DNAH14: variants seen among roughly 807,000 people sequenced by gnomAD.
DNAH14 encodes axonemal beta dynein heavy chain 14.
In DNAH14, 478 loss-of-function variants were observed where a neutral mutation model predicts 520.9. The ratio of observed to expected loss-of-function variants is 0.92; its 90% CI spans 0.85 to 0.99. The LOEUF is 0.99. DNAH14 is among the 50% of genes least tolerant of loss of function. The pLI is 0.00. For missense variants in DNAH14, 4,831 were observed against 5,234.5 expected (o/e 0.92, Z 2.38); for synonymous variants, 1,581 against 1,757.2 (o/e 0.90, Z 2.51).
chr1:225,398,046 C>CAAAAAAAAA (rs11458055), intron 84 of DNAH14: 1 of 66,830 alleles, frequency 1.5e-5, no homozygotes, highest in East Asian at 5.2e-4. Flanking sequence ...GACCCCATGT[C>CAAAAAAAAA]AAAAAAAAAA....
chr1:225,153,132 G>A (rs1262839198), intron 33 of DNAH14, among the ~76,000 whole-genome samples: 2 of 152,264 alleles, frequency 1.3e-5, no homozygotes, highest in East Asian at 3.9e-4. Flanking sequence ...GAGTGATTGA[G>A]CATTCGTTAT....
chr1:225,247,135 C>T (rs918209600), intron 43 of DNAH14, among the ~76,000 whole-genome samples: 7 of 152,076 alleles, frequency 4.6e-5, no homozygotes, highest in African/African-American at 1.7e-4. Flanking sequence ...AACAGAAAAC[C>T]AAATACTGCA....
chr1:225,005,196 C>T (rs894861501), intron 9 of DNAH14, among the ~76,000 whole-genome samples: 2 of 152,016 alleles, frequency 1.3e-5, no homozygotes, highest in African/African-American at 4.8e-5. Flanking sequence ...GTTTCATATT[C>T]GGGTGAAGTT....
At chr1:225,158,283 C>T (rs1036068256) in intron 34 of DNAH14, among the ~76,000 whole-genome samples, 4 of 152,010 alleles carry the variant, frequency 2.6e-5, no homozygotes, top group African/African-American at 9.7e-5. Flanking sequence ...ACAGAAAACT[C>T]AATTTGGCTT....
Position 225,007,499 on chromosome 1 carries a change from C to T in DNAH14, c.1062C>T (p.Asp354=), listed in dbSNP as rs932551553. Residue 354 remains aspartate (D), a synonymous_variant, in exon 10 of 86, where the codon GAC becomes GAT. Transcript: ENST00000682510. The part of the protein sequence containing the change: ...QATQALKQLE[D]IRNKAISEMK... ...CCCAGGCATTGAAACAACTTGAGGA[C>T]ATCAGGAATAAAGCAATTTCAGAGA... 1.3e-6 allele frequency: 2 copies of T among 1,538,014 alleles called. No individual in the cohort carries two copies. The highest frequency in any genetic ancestry group is 2.0e-5 in the Admixed American group (1 of 50,022).
intron 72 of DNAH14, 42 bp downstream of exon 72, chr1:225,351,925 T>C (rs1381273390): frequency 7.0e-6 from 10 of 1,438,414 alleles, no homozygotes; most frequent in Non-Finnish European, 9.4e-6. Flanking sequence ...TAAGTATGTG[T>C]GTATGTGTAT....
chr1:225,212,507 T>C (rs1386060063), intron 41 of DNAH14, among the ~76,000 whole-genome samples: 1 of 152,174 alleles, frequency 6.6e-6, no homozygotes, highest in Non-Finnish European at 1.5e-5. Flanking sequence ...ATTGAACTAG[T>C]TTACAGTCCC....
chr1:225,071,611 T>TA (rs2071552395), intron 17 of DNAH14, among the ~76,000 whole-genome samples: 1 of 152,074 alleles, frequency 6.6e-6, no homozygotes, highest in Non-Finnish European at 1.5e-5. Context: ...CTGTATGAGT[T>TA]CATTCTCACA....
chr1:225,289,367 G>A (rs1246529139), intron 54 of DNAH14, among the ~76,000 whole-genome samples: 2 of 152,122 alleles, frequency 1.3e-5, no homozygotes, highest in Non-Finnish European at 2.9e-5. Flanking sequence ...ATTGTGACAA[G>A]GGTTGCATAA....
At chr1:225,244,790 C>A (rs567560252) in intron 43 of DNAH14, among the ~76,000 whole-genome samples, 1 of 152,006 alleles carries the variant, frequency 6.6e-6, no homozygotes, top group South Asian at 2.1e-4. Context: ...TTAATCTTTT[C>A]AAAAAAACAG....
chr1:225,102,225 A>G (rs1382382585), intron 23 of DNAH14, among the ~76,000 whole-genome samples: 1 of 151,780 alleles, frequency 6.6e-6, no homozygotes, highest in South Asian at 2.1e-4. Flanking sequence ...TGAACTCATC[A>G]TTTTTTATGG....
In DNAH14 at chr1:225,206,965, T is replaced by C; in HGVS notation, c.6187-3T>C. The C allele has an allele frequency of 1.4e-6, 2 of 1,477,722 alleles. No homozygotes were observed. The highest frequency in any genetic ancestry group is 1.8e-6 in the Non-Finnish European group (2 of 1,114,746). 91.5% of individuals were successfully genotyped at this position (1,477,722 alleles called of 1,614,324 possible). The stretch of plus-strand genomic sequence containing the variant: ...AAGATTATATTTTGCTCCTTATTAT[T>C]AGGATCCTGTTGATCTGGGATGGGA... On this transcript the variant is annotated splice_polypyrimidine_tract_variant and splice_region_variant and intron_variant, in intron 40 of 85. Coordinates refer to ENST00000682510, the MANE Select transcript of DNAH14 (RefSeq NM_001367479.1).
At chr1:225,182,153 G>A (rs750078616) in intron 36 of DNAH14, among the ~76,000 whole-genome samples, 9 of 152,160 alleles carry the variant, frequency 5.9e-5, no homozygotes, top group Non-Finnish European at 8.8e-5. Context: ...AACCCAGATC[G>A]CATCATTGCA....
At chr1:224,971,143 T>C (rs1006955828) in intron 7 of DNAH14, among the ~76,000 whole-genome samples, 8 of 152,328 alleles carry the variant, frequency 5.3e-5, no homozygotes, top group Admixed American at 2.0e-4. Context: ...TTATATCACA[T>C]CACATTAGGA....
At chr1:225,058,006 C>G (rs1007945675) in intron 17 of DNAH14, among the ~76,000 whole-genome samples, 4 of 152,004 alleles carry the variant, frequency 2.6e-5, no homozygotes, top group African/African-American at 4.8e-5. Flanking sequence ...TTTGTTGTGT[C>G]TCTGGCAGGC....
At chr1:225,395,410 G>A (rs1012793061) in intron 84 of DNAH14, among the ~76,000 whole-genome samples, 31 of 152,216 alleles carry the variant, frequency 2.0e-4, no homozygotes, top group Non-Finnish European at 3.8e-4. Flanking sequence ...TGGCTAACAC[G>A]GTGAAACCCC....
intron 23 of DNAH14, 38 bp downstream of exon 23, chr1:225,100,922 A>G (rs2148725591): frequency 1.4e-6 from 2 of 1,419,614 alleles, no homozygotes; most frequent in East Asian, 5.3e-5. Flanking sequence ...GAATCATTTA[A>G]CAAAAGTAAA....
At chr1:225,335,963 ACATATATGTACATATG>A (rs2095028714) in intron 66 of DNAH14, among the ~76,000 whole-genome samples, 5 of 144,146 alleles carry the variant, frequency 3.5e-5, no homozygotes, top group Admixed American at 2.1e-4. Flanking sequence ...ATACACATAT[ACATATATGTACATATG>A]TGTATATACA....
intron 18 of DNAH14, 121 bp downstream of exon 18, chr1:225,079,669 A>AT (rs1216828705): frequency 8.5e-5 from 30 of 353,960 alleles, no homozygotes; most frequent in South Asian, 3.0e-4. Context: ...TAATACAAGT[A>AT]TTCTTTTTTT....
Sources: gnomAD v4.1 joint callset for allele counts (sites outside exome capture counted in the v4.1 genomes callset) on GRCh38, gnomAD v4.1.1 for gene constraint, MANE v1.5 for transcripts, NCBI Gene and HGNC (gene_info 2026-07-23, HGNC 2026-07-21) for gene names.